GALNTL6: variants seen among roughly 807,000 people sequenced by gnomAD.
GALNTL6 encodes the protein polypeptide N-acetylgalactosaminyltransferase-like 6.
In GALNTL6, 46 loss-of-function variants were observed where a neutral mutation model predicts 73.7. That is an observed-to-expected ratio of 0.62 (90% confidence interval 0.49 to 0.80). The LOEUF (loss-of-function observed/expected upper bound fraction) is 0.80. Among genes scored for constraint, GALNTL6 ranks in the 30% least tolerant of loss-of-function variants. The pLI is 0.00. For synonymous variants in GALNTL6, 259 were observed against 263.7 expected, an observed-to-expected ratio of 0.98 and a Z score of 0.17; for missense variants, 604 against 755.0, an observed-to-expected ratio of 0.80 and a Z score of 2.34.
chr4:172,179,580 CA>C (rs531192704), intron 2 of GALNTL6, among the ~76,000 whole-genome samples: 1,464 of 142,786 alleles, frequency 0.01, 32 homozygotes, highest in African/African-American at 0.04. Context: ...GAGTAGGTTG[CA>C]AAAATTTTCT....
At chr4:172,447,154 G>A (rs1409557529) in intron 5 of GALNTL6, among the ~76,000 whole-genome samples, 2 of 152,106 alleles carry the variant, frequency 1.3e-5, no homozygotes, top group Non-Finnish European at 2.9e-5. Flanking sequence ...TGTATGACAA[G>A]TCAAATAAGC....
At chr4:172,495,825 C>T (rs2110760810) in intron 5 of GALNTL6, among the ~76,000 whole-genome samples, 1 of 152,170 alleles carries the variant, frequency 6.6e-6, no homozygotes, top group Non-Finnish European at 1.5e-5. Flanking sequence ...TTTTGAGTAG[C>T]AAGACTAGAG....
intron 5 of GALNTL6, among the ~76,000 whole-genome samples, chr4:172,438,465 CCAAT>C (rs928895716): frequency 8.5e-5 from 13 of 152,054 alleles, no homozygotes; most frequent in Non-Finnish European, 1.8e-4. Context: ...CCCCTTATCT[CCAAT>C]CATGTCCCCA....
At chr4:172,162,122 A>G (rs1408958533) in intron 2 of GALNTL6, among the ~76,000 whole-genome samples, 1 of 151,976 alleles carries the variant, frequency 6.6e-6, no homozygotes, top group Non-Finnish European at 1.5e-5. Context: ...TAATTTTAAA[A>G]TAAAACTTTG....
chr4:172,604,710 T>C (rs886967056), intron 5 of GALNTL6, among the ~76,000 whole-genome samples: 1 of 152,226 alleles, frequency 6.6e-6, no homozygotes, highest in African/African-American at 2.4e-5. Context: ...ATTTTCCTTA[T>C]CTTCTCTACA....
At chr4:172,462,022 C>T (rs981482293) in intron 5 of GALNTL6, among the ~76,000 whole-genome samples, 4 of 152,136 alleles carry the variant, frequency 2.6e-5, no homozygotes, top group African/African-American at 9.7e-5. Flanking sequence ...AATTTGCTCT[C>T]TCTCCTTGAC....
chr4:172,825,218 C>T (rs944797857), intron 7 of GALNTL6, among the ~76,000 whole-genome samples: 6 of 150,968 alleles, frequency 4.0e-5, no homozygotes, highest in African/African-American at 1.5e-4. Context: ...GTTTTTGTGT[C>T]CTGGAGTGCC....
chr4:172,832,090 C>T (rs1742669079), intron 7 of GALNTL6, among the ~76,000 whole-genome samples: 1 of 152,146 alleles, frequency 6.6e-6, no homozygotes, highest in African/African-American at 2.4e-5. Context: ...GGATAAAGCC[C>T]TGCGTGGACA....
chr4:172,504,171 A>AAAAAAAAAAAAAC (rs1297265192), intron 5 of GALNTL6, among the ~76,000 whole-genome samples: 1 of 42,646 alleles, frequency 2.3e-5, no homozygotes, highest in African/African-American at 6.0e-5. Flanking sequence ...AAAAAAAAAA[A>AAAAAAAAAAAAAC]AAAAAAAACT....
At chr4:172,541,313 A>G (rs188170382) in intron 5 of GALNTL6, among the ~76,000 whole-genome samples, 1,657 of 152,244 alleles carry the variant, frequency 0.011, 24 homozygotes, top group Admixed American at 0.034. Context: ...TTTACTATTA[A>G]TGCTGCTCAG....
At chr4:172,082,183 T>C (rs1333384282) in intron 2 of GALNTL6, among the ~76,000 whole-genome samples, 3 of 152,148 alleles carry the variant, frequency 2.0e-5, no homozygotes, top group African/African-American at 7.2e-5. Context: ...TCAAGTAATA[T>C]TTTCTAAGTA....
intron 5 of GALNTL6, among the ~76,000 whole-genome samples, chr4:172,484,198 AG>A (rs1449035535): frequency 6.6e-6 from 1 of 152,202 alleles, no homozygotes; most frequent in Non-Finnish European, 1.5e-5. Flanking sequence ...GATTTTAGAT[AG>A]TCTCGCACCA....
intron 2 of GALNTL6, among the ~76,000 whole-genome samples, chr4:171,971,166 T>C (rs1328653202): frequency 6.6e-6 from 1 of 152,206 alleles, no homozygotes; most frequent in Non-Finnish European, 1.5e-5. Flanking sequence ...TATTAACATG[T>C]GGCATTATTT....
In GALNTL6 at chr4:172,814,024, T is replaced by C. The variant is rs143882386; in HGVS notation, c.923+301T>C. 1.9e-3 allele frequency among the ~76,000 whole-genome samples: 285 copies of C among 152,330 alleles called. 1 individual carries two copies. The highest frequency in any genetic ancestry group is 3.3e-3 in the Non-Finnish European group (222 of 68,036). ...AAGGCATGTTCCCTTCTTAGATGCT[T>C]TCTTATTTTCAGTTGTTTCTGTTCT... On this transcript the variant is annotated intron_variant, in intron 7 of 12. Coordinates refer to ENST00000506823, the MANE Select transcript of GALNTL6 (RefSeq NM_001034845.3).
At chr4:172,491,540 G>A (rs973192493) in intron 5 of GALNTL6, among the ~76,000 whole-genome samples, 1 of 152,066 alleles carries the variant, frequency 6.6e-6, no homozygotes, top group African/African-American at 2.4e-5. Flanking sequence ...GAAAAATCTG[G>A]ACTGGAAGGG....
chr4:172,405,638 T>C (rs975229021), intron 5 of GALNTL6, among the ~76,000 whole-genome samples: 1 of 151,772 alleles, frequency 6.6e-6, no homozygotes, highest in Admixed American at 6.6e-5. Context: ...CCCTACTCCA[T>C]GCAGCTGGAT....
intron 2 of GALNTL6, among the ~76,000 whole-genome samples, chr4:171,891,678 A>G (rs557182564): frequency 3.9e-5 from 6 of 152,308 alleles, no homozygotes; most frequent in Admixed American, 2.0e-4. Context: ...GGAAAATCTT[A>G]CAAATGTTTA....
chr4:172,807,824 T>C (rs980157057), intron 5 of GALNTL6, among the ~76,000 whole-genome samples: 4 of 152,180 alleles, frequency 2.6e-5, no homozygotes, highest in Non-Finnish European at 4.4e-5. Flanking sequence ...TTGTTTGTTT[T>C]TGTTTTTGTT....
Position 171,814,260 on chromosome 4 carries a change from A to C in GALNTL6, c.-169-152A>C, listed in dbSNP as rs559733795. Among the ~76,000 whole-genome samples, 6 of 152,306 alleles carry C rather than the reference A, an allele frequency of 3.9e-5. No individual in the cohort carries two copies. The South Asian group carries it at 1.2e-3, about 32-fold the overall frequency. ...ACTTTTTTATAACTTACCTTTAGTCAATGAAACGACCATATTTACTCTATT... is the reference window on the plus strand; with the variant it reads ...ACTTTTTTATAACTTACCTTTAGTCCATGAAACGACCATATTTACTCTATT... On this transcript the variant is annotated intron_variant, in intron 1 of 12. Coordinates refer to ENST00000506823, the MANE Select transcript of GALNTL6 (RefSeq NM_001034845.3).
Sources: gnomAD v4.1 joint callset for allele counts (sites outside exome capture counted in the v4.1 genomes callset) on GRCh38, gnomAD v4.1.1 for gene constraint, MANE v1.5 for transcripts, NCBI Gene and HGNC (gene_info 2026-07-23, HGNC 2026-07-21) for gene names.